The following CFAP52 variants were observed in gnomAD, a reference collection of about 807,000 sequenced individuals.
CFAP52 encodes cilia and flagella associated protein 52, also known as cilia- and flagella-associated protein 52.
In CFAP52, 57 loss-of-function variants were observed where a neutral mutation model predicts 70.5. That is an observed-to-expected ratio of 0.81 (90% CI 0.65 to 1.01). The LOEUF (loss-of-function observed/expected upper bound fraction) is 1.01, where lower values mean the gene tolerates loss of function less well. Ranked by LOEUF, CFAP52 falls within the 50% of genes least tolerant of loss-of-function variation. The probability of loss-of-function intolerance (pLI) is 0.00; values close to 1 mark genes in which losing one functional copy is unlikely to be tolerated. For synonymous variants in CFAP52, 267 were observed against 292.5 expected (o/e 0.91, Z 0.89); for missense variants, 785 against 788.5 (o/e 1.00, Z 0.05).
At position 9,631,064 on chromosome 17, in the gene CFAP52, AAGAAAGAAAGAAAGAAAG is replaced by A. The variant is rs1567634988; in HGVS notation, c.1175-1808_1175-1791del. Among the ~76,000 whole-genome samples, 7 of 101,040 alleles carry A rather than the reference AAGAAAGAAAGAAAGAAAG, an allele frequency of 6.9e-5. No homozygotes were observed. In the East Asian group the frequency reaches 1.6e-3, roughly 23 times the overall value. 66.3% of individuals were successfully genotyped at this position (101,040 alleles called of 152,430 possible). ...AGAGAGAGAGAGAGAGAAAGAAAGA[AAGAAAGAAAGAAAGAAAG>A]AGAAAGAAAGAAAGAGAAAGAAAGA... On this transcript the variant is annotated intron_variant, in intron 9 of 13. Coordinates refer to ENST00000352665, the MANE Select transcript of CFAP52 (RefSeq NM_145054.5).
intron 3 of CFAP52, among the ~76,000 whole-genome samples, chr17:9,589,404 C>G (rs1908640843): frequency 6.6e-6 from 1 of 152,126 alleles, no homozygotes; most frequent in Non-Finnish European, 1.5e-5. Flanking sequence ...GTGGTCACCC[C>G]TTCCCTGGCT....
intron 13 of CFAP52, among the ~76,000 whole-genome samples, chr17:9,642,076 A>G (rs1444251848): frequency 6.6e-6 from 1 of 152,232 alleles, no homozygotes; most frequent in African/African-American, 2.4e-5. Context: ...GCCAAGACTT[A>G]GATTGCTAGG....
intron 8 of CFAP52, among the ~76,000 whole-genome samples, chr17:9,627,821 A>G (rs1910296524): frequency 6.6e-6 from 1 of 152,130 alleles, no homozygotes. Flanking sequence ...CCTAGGCTCA[A>G]GAGATCTTCC....
Position 9,608,297 on chromosome 17 carries a change from G to T in CFAP52, c.854+78G>T, listed in dbSNP as rs536381588. ...ATTTGCTTAAAGCCAGCAACTCGAT[G>T]ATATCGGCAAAGTGATATTTGGTTA... On this transcript the variant is annotated intron_variant, in intron 7 of 13. Coordinates refer to ENST00000352665, the MANE Select transcript of CFAP52 (RefSeq NM_145054.5). The T allele has an allele frequency of 1.8e-5, 21 of 1,192,386 alleles. No individual in the cohort carries two copies. In the African/African-American group the frequency reaches 2.8e-4, roughly 16 times the overall value. 73.9% of individuals were successfully genotyped at this position (1,192,386 alleles called of 1,614,324 possible).
chr17:9,596,059 G>GTGTATA (rs1555541607), intron 4 of CFAP52, among the ~76,000 whole-genome samples: 5 of 85,212 alleles, frequency 5.9e-5, no homozygotes, highest in African/African-American at 2.2e-4. Context: ...ATATGTGTGT[G>GTGTATA]TATATATATA....
chr17:9,642,496 C>T (rs111296370), intron 13 of CFAP52, among the ~76,000 whole-genome samples: 1,977 of 152,190 alleles, frequency 0.013, 50 homozygotes, highest in African/African-American at 0.045. Context: ...TGGTGGTGCA[C>T]GCCTATAATC....
chr17:9,614,818 A>G (rs1473160637), intron 8 of CFAP52, among the ~76,000 whole-genome samples: 1 of 152,188 alleles, frequency 6.6e-6, no homozygotes, highest in African/African-American at 2.4e-5. Context: ...CGACCAAAAA[A>G]TGTCCCCAGA....
At chr17:9,613,374 C>A (rs1158235115) in intron 8 of CFAP52, among the ~76,000 whole-genome samples, 1 of 151,972 alleles carries the variant, frequency 6.6e-6, no homozygotes, top group African/African-American at 2.4e-5. Context: ...AGATTCATTT[C>A]ATGAAGTTGG....
chr17:9,581,300 A>G (rs1381763372), intron 1 of CFAP52, among the ~76,000 whole-genome samples: 2 of 152,238 alleles, frequency 1.3e-5, no homozygotes, highest in Admixed American at 1.3e-4. Context: ...TGTTCACGTT[A>G]AAACAGTTAA....
intron 9 of CFAP52, among the ~76,000 whole-genome samples, chr17:9,631,614 TGGGTAGTTGGGCTAG>T (rs780075825): frequency 1.3e-5 from 2 of 151,592 alleles, no homozygotes; most frequent in Non-Finnish European, 2.9e-5. Flanking sequence ...TGGGGCTTAG[TGGGTAGTTGGGCTAG>T]GGGTGCAGGG....
In CFAP52 at chr17:9,594,179, T is replaced by G; in HGVS notation, c.408-14T>G. On this transcript the variant is annotated splice_polypyrimidine_tract_variant and intron_variant, in intron 3 of 13. Transcript: ENST00000352665. ...TCTTTGACTTTTTTTTTTTGGTCCC[T>G]CTTATTTTGGCAGTGTGGTGGTGTG... The G allele has an allele frequency of 6.4e-7, 1 of 1,560,820 alleles. No homozygotes were observed. The highest frequency in any genetic ancestry group is 1.4e-5 in the African/African-American group (1 of 72,082).
chr17:9,638,132 T>C (rs1322763421), intron 11 of CFAP52, among the ~76,000 whole-genome samples: 1 of 152,208 alleles, frequency 6.6e-6, no homozygotes, highest in Non-Finnish European at 1.5e-5. Flanking sequence ...TGCTACAGCT[T>C]TTATTTGTGA....
Position 9,600,179 on chromosome 17 carries a change from G to A in CFAP52, c.749G>A (p.Ser250Asn). ...GTTGGGCCTGCGAAGGACAAATTCA[G>A]TTTGGTGAGTAGAGACCATCGCCAC... is the stretch of plus-strand genomic sequence containing the variant. ...TDVGPAKDKF[S>N]LGVSAIRCLK... is the part of the protein sequence containing the mutation. Residue 250 changes from serine to asparagine, a missense_variant, in exon 6 of 14, where the codon AGT becomes AAT. Transcript: ENST00000352665. The A allele has an allele frequency of 6.2e-7, 1 of 1,613,628 alleles. No individual in the cohort carries two copies. Among genetic ancestry groups the A allele is most frequent in the Non-Finnish European group, 8.5e-7 (1 of 1,179,644 alleles).
At chr17:9,586,020 C>T in intron 2 of CFAP52, 48 bp downstream of exon 2, 2 of 1,591,750 alleles carry the variant, frequency 1.3e-6, no homozygotes, top group East Asian at 2.2e-5. Context: ...AGAGGTGCCT[C>T]CCTAGAAGAA....
chr17:9,629,950 C>T (rs561348236), intron 9 of CFAP52, among the ~76,000 whole-genome samples: 2 of 151,876 alleles, frequency 1.3e-5, no homozygotes, highest in Non-Finnish European at 2.9e-5. Context: ...CCCCACCCTG[C>T]GCATGTCTTC....
intron 3 of CFAP52, among the ~76,000 whole-genome samples, chr17:9,593,549 G>T (rs1389123057): frequency 2.6e-5 from 4 of 151,910 alleles, no homozygotes; most frequent in Non-Finnish European, 5.9e-5. Context: ...TCCACCTCCC[G>T]GATTCAAGCG....
At chr17:9,635,227 A>G (rs992105801) in intron 10 of CFAP52, among the ~76,000 whole-genome samples, 178 bp from the exon 11 acceptor site, 1 of 152,212 alleles carries the variant, frequency 6.6e-6, no homozygotes, top group East Asian at 1.9e-4. Context: ...ATCACATCTT[A>G]TACATGAATA....
chr17:9,594,387 G>C, intron 4 of CFAP52, 66 bp downstream of exon 4: 1 of 1,558,376 alleles, frequency 6.4e-7, no homozygotes, highest in Non-Finnish European at 8.7e-7. Context: ...CAGAAAACAT[G>C]GTCATTCTGA....
In CFAP52 at chr17:9,611,995, C is replaced by A. The variant is rs7209502; in HGVS notation, c.855-314C>A. Among the ~76,000 whole-genome samples the A allele has an allele frequency of 5.0e-3, 757 of 152,284 alleles. 10 individuals are homozygous for A. The highest frequency in any genetic ancestry group is 0.017 in the African/African-American group (697 of 41,554). Reference sequence around the variant, plus strand: ...GTGGAATTAATAAAGGGGTTAGTTGCTGTGGTCATTTGTACCCATATGCCT... The same window carrying A: ...GTGGAATTAATAAAGGGGTTAGTTGATGTGGTCATTTGTACCCATATGCCT... On this transcript the variant is annotated intron_variant, in intron 7 of 13. Transcript: ENST00000352665.
Sources: allele counts gnomAD v4.1 joint callset (sites outside exome capture counted in the v4.1 genomes callset), GRCh38; gene constraint gnomAD v4.1.1; transcripts MANE v1.5; gene names NCBI Gene and HGNC (gene_info 2026-07-23, HGNC 2026-07-21).